The following MIA2 variants were observed in gnomAD, a reference collection of about 807,000 sequenced individuals.
MIA2 encodes the protein melanoma inhibitory activity protein 2.
MIA2 carries 127 observed loss-of-function variants against 167.8 expected under a neutral mutation model. The observed-to-expected ratio is 0.76, with a 90% CI of 0.66 to 0.88. The LOEUF (loss-of-function observed/expected upper bound fraction) is 0.88, where lower values mean the gene tolerates loss of function less well. Among genes scored for constraint, MIA2 ranks in the 40% least tolerant of loss-of-function variants. The pLI, the probability that MIA2 is intolerant of heterozygous loss-of-function variation, is 0.00. For missense variants in MIA2, 1,690 were observed against 1,624.7 expected, an observed-to-expected ratio of 1.04 and a Z score of -0.69; for synonymous variants, 552 against 541.9, an observed-to-expected ratio of 1.02 and a Z score of -0.26.
In MIA2 at chr14:39,279,546, T is replaced by C; in HGVS notation, c.2130+9T>C. The C allele has an allele frequency of 6.5e-7, 1 of 1,545,982 alleles. No individual in the cohort carries two copies. The highest frequency in any genetic ancestry group is 8.8e-7 in the Non-Finnish European group (1 of 1,130,772). On this transcript the variant is annotated intron_variant, in intron 9 of 28. Transcript: ENST00000640607. ...GCCTTGTTCAAAAAGAGGTAAGATA[T>C]TTTTGAAAATAATATTCATGTTAGA... is the stretch of plus-strand genomic sequence containing the variant.
intron 16 of MIA2, among the ~76,000 whole-genome samples, chr14:39,304,003 T>C (rs955230568): frequency 4.6e-5 from 7 of 152,126 alleles, no homozygotes; most frequent in Non-Finnish European, 8.8e-5. Context: ...ATAAAAACTT[T>C]TGTTGAAAGT....
rs867528186 is a variant in MIA2, at chr14:39,335,488, G to A, written c.3655+8466G>A. ...ACAAGGAATCATTTATTTTTGCACC[G>A]TTAAATACTTTGAAAAAGGAGAAAA... On this transcript the variant is annotated intron_variant, in intron 25 of 28. Transcript: ENST00000640607. Among the ~76,000 whole-genome samples, 13 of 152,188 alleles carry A rather than the reference G, an allele frequency of 8.5e-5. No homozygotes were observed. The South Asian group carries it at 1.0e-3, about 12-fold the overall frequency.
chr14:39,292,467 TA>T (rs2060865935), intron 10 of MIA2, among the ~76,000 whole-genome samples: 1 of 152,156 alleles, frequency 6.6e-6, no homozygotes, highest in African/African-American at 2.4e-5. Flanking sequence ...TGATGCAATT[TA>T]AAAAAATATG....
intron 14 of MIA2, among the ~76,000 whole-genome samples, chr14:39,300,975 CAT>C (rs374470761): frequency 8.6e-5 from 8 of 92,672 alleles, no homozygotes; most frequent in Admixed American, 2.0e-4. Flanking sequence ...CATATATACA[CAT>C]ATATACATAT....
chr14:39,238,075 T>C (rs2053843826), intron 2 of MIA2, among the ~76,000 whole-genome samples: 1 of 151,912 alleles, frequency 6.6e-6, no homozygotes, highest in Non-Finnish European at 1.5e-5. Flanking sequence ...AAAGTTTTAG[T>C]TAATCAGATT....
intron 17 of MIA2, 86 bp from the exon 18 acceptor site, chr14:39,308,359 TATTA>T: frequency 1.3e-6 from 1 of 786,108 alleles, no homozygotes; most frequent in Non-Finnish European, 1.9e-6. Flanking sequence ...ATTAATAATT[TATTA>T]TTTTTAGTAA....
chr14:39,376,501 A>T (rs2075049034), intron 23 of MIA2, among the ~76,000 whole-genome samples: 1 of 152,222 alleles, frequency 6.6e-6, no homozygotes, highest in African/African-American at 2.4e-5. Flanking sequence ...CAAATTTATG[A>T]AAACAGAAAA....
intron 6 of MIA2, among the ~76,000 whole-genome samples, chr14:39,270,464 G>A (rs1382973382): frequency 6.6e-6 from 1 of 152,086 alleles, no homozygotes; most frequent in Non-Finnish European, 1.5e-5. Context: ...CTCCCAAAGT[G>A]CAGGGATTAC....
intron 6 of MIA2, among the ~76,000 whole-genome samples, chr14:39,264,808 G>A (rs951468466): frequency 4.6e-5 from 7 of 152,188 alleles, no homozygotes; most frequent in Admixed American, 4.6e-4. Flanking sequence ...CCCTTCATAA[G>A]GGAAATCAGT....
rs1566602006 is a variant in MIA2, at chr14:39,252,979, T to C, written c.1786+13T>C. 1.3e-6 allele frequency: 2 copies of C among 1,588,406 alleles called. No homozygotes were observed. The highest frequency in any genetic ancestry group is 1.7e-6 in the Non-Finnish European group (2 of 1,163,820). ...ATTTCTCAGAAAGGTAAGAAACAGG[T>C]TATTTATTCTCTAATGCATCAATTA... On this transcript the variant is annotated intron_variant, in intron 5 of 28. Coordinates refer to ENST00000640607, the MANE Select transcript of MIA2 (RefSeq NM_001329214.4).
chr14:39,278,118 C>T (rs1013955553), intron 7 of MIA2, among the ~76,000 whole-genome samples: 1 of 151,898 alleles, frequency 6.6e-6, no homozygotes, highest in African/African-American at 2.4e-5. Context: ...GGACTACAGG[C>T]GTGCACTACC....
At chr14:39,357,177 G>A (rs1464731367) in intron 23 of MIA2, among the ~76,000 whole-genome samples, 2 of 152,290 alleles carry the variant, frequency 1.3e-5, no homozygotes, top group South Asian at 2.1e-4. Context: ...TTATTATTTT[G>A]TGGGAGTCTT....
intron 24 of MIA2, 96 bp from the exon 25 acceptor site, chr14:39,326,768 A>G: frequency 2.7e-6 from 3 of 1,124,434 alleles, no homozygotes; most frequent in Non-Finnish European, 1.2e-6. Context: ...CTTTGTATTT[A>G]TAATTTATGA....
chr14:39,267,065 A>T, intron 6 of MIA2: 1 of 1,063,406 alleles, frequency 9.4e-7, no homozygotes, highest in Non-Finnish European at 1.1e-6. Context: ...CTTTAAGAGC[A>T]AACGACCCGG....
At chr14:39,260,077 A>G (rs1347126979) in intron 6 of MIA2, among the ~76,000 whole-genome samples, 4 of 152,110 alleles carry the variant, frequency 2.6e-5, no homozygotes, top group Non-Finnish European at 5.9e-5. Flanking sequence ...CATAGTGTAT[A>G]TGTGCCACAT....
At chr14:39,333,959 A>G (rs2069593714) in intron 25 of MIA2, among the ~76,000 whole-genome samples, 1 of 152,210 alleles carries the variant, frequency 6.6e-6, no homozygotes, top group Admixed American at 6.5e-5. Context: ...TGTCAACTAT[A>G]ATCTCAATGT....
downstream of MIA2, among the ~76,000 whole-genome samples, chr14:39,356,286 C>G (rs953113547): frequency 6.6e-6 from 1 of 152,028 alleles, no homozygotes; most frequent in Non-Finnish European, 1.5e-5. Context: ...TCTTGGGAGG[C>G]TGTATGTATT....
chr14:39,273,253 C>G (rs1373727604), intron 6 of MIA2, among the ~76,000 whole-genome samples: 1 of 97,998 alleles, frequency 1.0e-5, no homozygotes, highest in Non-Finnish European at 2.2e-5. Context: ...TTTTTTTTTT[C>G]CTCATCTTTA....
intron 23 of MIA2, chr14:39,370,223 A>C (rs1320618255): frequency 1.3e-5 from 2 of 153,958 alleles, no homozygotes; most frequent in Admixed American, 1.3e-4. Flanking sequence ...CAATAGCGAA[A>C]AGCAAAATCG....
Sources: gnomAD v4.1 joint callset for allele counts (sites outside exome capture counted in the v4.1 genomes callset) on GRCh38, gnomAD v4.1.1 for gene constraint, MANE v1.5 for transcripts, NCBI Gene and HGNC (gene_info 2026-07-23, HGNC 2026-07-21) for gene names.